The following SCAMP2 variants were observed in gnomAD, a reference collection of about 807,000 sequenced individuals.
SCAMP2 encodes secretory carrier membrane protein 2.
In SCAMP2, 25 loss-of-function variants were observed where a neutral mutation model predicts 44.1. The ratio of observed to expected loss-of-function variants is 0.57; its 90% CI spans 0.41 to 0.79. The LOEUF (loss-of-function observed/expected upper bound fraction) is 0.79. Ranked by LOEUF, SCAMP2 falls within the 30% of genes least tolerant of loss-of-function variation. The pLI is 0.00. For missense variants in SCAMP2, 355 were observed against 411.0 expected (o/e 0.86, Z 1.18); for synonymous variants, 156 against 166.0 (o/e 0.94, Z 0.46).
At position 74,845,614 on chromosome 15, in the gene SCAMP2, C is replaced by G. The variant is rs761921862; in HGVS notation, c.735-21G>C. Reference sequence around the variant, plus strand: ...AACCGCTATAAAGGGAAGAAGAGGCCAGAGGGAGCAAAGTGGGAGTGGGCT... The same window carrying G: ...AACCGCTATAAAGGGAAGAAGAGGCGAGAGGGAGCAAAGTGGGAGTGGGCT... On this transcript the variant is annotated intron_variant, in intron 7 of 8. Transcript: ENST00000268099. 126 of 1,613,054 alleles carry G rather than the reference C, an allele frequency of 7.8e-5. No homozygotes were observed. In the South Asian group the frequency reaches 1.2e-3, roughly 16 times the overall value.
chr15:74,854,566 G>A lies in SCAMP2; in HGVS notation c.126+15C>T. 2 of 1,586,292 alleles carry A rather than the reference G, an allele frequency of 1.3e-6. No homozygotes were observed. Among genetic ancestry groups the A allele is most frequent in the Non-Finnish European group, 1.7e-6 (2 of 1,165,764 alleles). ...AGAGGGCCATGGGACTTGGAAAGAG[G>A]GCCTGCTCACCAACCTCTGAGAAGG... On this transcript the variant is annotated intron_variant, in intron 2 of 8. Transcript: ENST00000268099.
At chr15:74,852,366 T>C in intron 3 of SCAMP2, 180 bp from the exon 4 acceptor site, 2 of 416,452 alleles carry the variant, frequency 4.8e-6, no homozygotes, top group Non-Finnish European at 8.5e-6. Context: ...GAGGCCAACC[T>C]GTCTTCCACT....
At chr15:74,865,901 T>C (rs1039780629) in intron 1 of SCAMP2, among the ~76,000 whole-genome samples, 5 of 141,516 alleles carry the variant, frequency 3.5e-5, no homozygotes, top group African/African-American at 1.3e-4. Flanking sequence ...CAGTGAGCCG[T>C]GATTGTGCCA....
Position 74,850,624 on chromosome 15 carries a change from G to C in SCAMP2, c.522C>G (p.Phe174Leu). Residue 174 changes from phenylalanine (F) to leucine (L), a missense_variant, in exon 6 of 9, where the codon TTC (phenylalanine) becomes TTG (leucine). Phe to Leu is a conservative substitution (Grantham distance 22, BLOSUM62 0). Transcript: ENST00000268099. ...CCACTCCCTTGGAGCTGTTGCCCGA[G>C]AACCAGGCCAGGCAGGCAAGCAGGT... ...FLNLLACLAW[F>L]SGNSSKGVDF... 1 of 1,614,140 alleles carries C rather than the reference G, an allele frequency of 6.2e-7. No homozygotes were observed.
chr15:74,854,818 G>A (rs1197761956), intron 1 of SCAMP2, among the ~76,000 whole-genome samples, 169 bp from the exon 2 acceptor site: 1 of 152,120 alleles, frequency 6.6e-6, no homozygotes, highest in Non-Finnish European at 1.5e-5. Flanking sequence ...CCACAGCTGC[G>A]GTCCCTTCTC....
chr15:74,868,100 C>T (rs1301291649), intron 1 of SCAMP2, among the ~76,000 whole-genome samples: 2 of 152,192 alleles, frequency 1.3e-5, no homozygotes, highest in East Asian at 3.8e-4. Flanking sequence ...TCAGAGGGTA[C>T]AAAGCAGCTG....
intron 1 of SCAMP2, among the ~76,000 whole-genome samples, chr15:74,871,235 C>CTTGAGACCAGGATT (rs1320587932): frequency 6.6e-6 from 1 of 152,128 alleles, no homozygotes; most frequent in Non-Finnish European, 1.5e-5. Flanking sequence ...CAGAGGATTG[C>CTTGAGACCAGGATT]TTGAGACCAG....
intron 1 of SCAMP2, among the ~76,000 whole-genome samples, chr15:74,870,628 T>C (rs2064569208): frequency 6.6e-6 from 1 of 152,168 alleles, no homozygotes; most frequent in Non-Finnish European, 1.5e-5. Context: ...AGAGACAAGG[T>C]CCTTGCAAAC....
chr15:74,856,264 C>CTTTTTTT (rs34812536), intron 1 of SCAMP2, among the ~76,000 whole-genome samples: 1 of 60,408 alleles, frequency 1.7e-5, no homozygotes, highest in Admixed American at 2.7e-4. Context: ...AGAGCCAGTT[C>CTTTTTTT]TTTTTTTTTT....
intron 1 of SCAMP2, among the ~76,000 whole-genome samples, chr15:74,866,135 T>C (rs2064542986): frequency 6.6e-6 from 1 of 151,824 alleles, no homozygotes; most frequent in South Asian, 2.1e-4. Context: ...AACTCTGGAA[T>C]ACTCCTAAAT....
At chr15:74,851,633 G>A in intron 4 of SCAMP2, 152 bp from the exon 5 acceptor site, 2 of 897,968 alleles carry the variant, frequency 2.2e-6, no homozygotes, top group Non-Finnish European at 1.7e-6. Flanking sequence ...CATGGAGTGG[G>A]ACAGAACAGG....
At chr15:74,862,671 G>C (rs544533861) in intron 1 of SCAMP2, among the ~76,000 whole-genome samples, 1 of 151,324 alleles carries the variant, frequency 6.6e-6, no homozygotes, top group Non-Finnish European at 1.5e-5. Flanking sequence ...ATATGGTCAT[G>C]TTATTTTGAT....
Position 74,850,655 on chromosome 15 carries a change from AAC to A in SCAMP2, c.489_490del (p.Phe164SerfsTer44). On this transcript the variant is annotated frameshift_variant, in exon 6 of 9. Coordinates refer to ENST00000268099, the MANE Select transcript of SCAMP2 (RefSeq NM_005697.5). LOFTEE classifies it high-confidence loss of function. ...GGCCAGGCAGGCAAGCAGGTTCAGA[AAC>A]AGAGTCACTGAATGCACTGGGGAAG... The A allele has an allele frequency of 3.1e-6, 5 of 1,613,984 alleles. No homozygotes were observed. The highest frequency in any genetic ancestry group is 4.2e-6 in the Non-Finnish European group (5 of 1,179,918).
chr15:74,872,526 T>C (rs1292756207), intron 1 of SCAMP2, among the ~76,000 whole-genome samples: 1 of 151,786 alleles, frequency 6.6e-6, no homozygotes, highest in Non-Finnish European at 1.5e-5. Flanking sequence ...TTTTTCACAG[T>C]CCCCCGCACC....
intron 1 of SCAMP2, among the ~76,000 whole-genome samples, chr15:74,867,494 C>T (rs1270118893): frequency 1.3e-5 from 2 of 152,232 alleles, no homozygotes; most frequent in African/African-American, 4.8e-5. Flanking sequence ...CACAGTGAAG[C>T]TGTAAGAACC....
intron 3 of SCAMP2, 86 bp downstream of exon 3, chr15:74,853,935 G>A: frequency 8.1e-7 from 1 of 1,233,896 alleles, no homozygotes; most frequent in Non-Finnish European, 1.2e-6. Context: ...AAAGCTCTCT[G>A]CTTGCCCCCA....
At chr15:74,846,269 G>A (rs950252342) in intron 7 of SCAMP2, among the ~76,000 whole-genome samples, 2 of 150,584 alleles carry the variant, frequency 1.3e-5, no homozygotes, top group South Asian at 2.1e-4. Flanking sequence ...GTGACAGGGC[G>A]AGACTCCAAC....
chr15:74,865,969 A>C (rs2141181401), intron 1 of SCAMP2, among the ~76,000 whole-genome samples: 1 of 25,454 alleles, frequency 3.9e-5, no homozygotes. Flanking sequence ...GAAGGAAGGA[A>C]GGAAGGAAGG....
At chr15:74,869,139 G>A (rs567173834) in intron 1 of SCAMP2, among the ~76,000 whole-genome samples, 145 of 152,236 alleles carry the variant, frequency 9.5e-4, no homozygotes, top group African/African-American at 3.4e-3. Flanking sequence ...GGGCAAAAGA[G>A]CGAAACACCA....
Sources: allele counts gnomAD v4.1 joint callset (sites outside exome capture counted in the v4.1 genomes callset), GRCh38; gene constraint gnomAD v4.1.1; transcripts MANE v1.5; gene names NCBI Gene and HGNC (gene_info 2026-07-23, HGNC 2026-07-21).